The following CELF4 variants were observed in gnomAD, a reference collection of about 807,000 sequenced individuals.
The protein encoded by CELF4 is CUGBP Elav-like family member 4.
A neutral mutation model predicts 59.9 loss-of-function variants in CELF4; 18 were observed. The observed-to-expected ratio is 0.30, with a 90% CI of 0.21 to 0.45. The LOEUF (loss-of-function observed/expected upper bound fraction) is 0.45. CELF4 is among the 20% of genes least tolerant of loss of function. The pLI is 1.00. For synonymous variants in CELF4, 261 were observed against 267.1 expected (o/e 0.98, Z 0.22); for missense variants, 456 against 689.0 (o/e 0.66, Z 3.79).
intron 2 of CELF4, among the ~76,000 whole-genome samples, chr18:37,397,524 C>G (rs997107736): frequency 5.3e-5 from 8 of 152,120 alleles, no homozygotes; most frequent in African/African-American, 1.9e-4. Context: ...GATCCCTAAA[C>G]TGCATGGAGG....
At chr18:37,547,892 T>G (rs1358113870) in intron 1 of CELF4, among the ~76,000 whole-genome samples, 2 of 152,156 alleles carry the variant, frequency 1.3e-5, no homozygotes, top group Non-Finnish European at 2.9e-5. Context: ...TATCTCTATG[T>G]GCACTTCTTT....
At chr18:37,480,754 CA>C (rs1239204155) in intron 2 of CELF4, among the ~76,000 whole-genome samples, 2 of 150,542 alleles carry the variant, frequency 1.3e-5, no homozygotes, top group Non-Finnish European at 2.9e-5. Flanking sequence ...AAAGGAGAGA[CA>C]AGTCTGAAGG....
intron 3 of CELF4, among the ~76,000 whole-genome samples, chr18:37,284,272 C>T (rs1225479535): frequency 6.6e-6 from 1 of 151,342 alleles, no homozygotes; most frequent in Non-Finnish European, 1.5e-5. Context: ...CCTCAACATA[C>T]AGACATAACA....
At chr18:37,415,241 T>TG (rs1490338762) in intron 2 of CELF4, among the ~76,000 whole-genome samples, 1 of 152,196 alleles carries the variant, frequency 6.6e-6, no homozygotes, top group African/African-American at 2.4e-5. Flanking sequence ...CTCTCTGTGG[T>TG]GGCCACATGG....
intron 1 of CELF4, 105 bp downstream of exon 1, chr18:37,565,251 G>A (rs2099987878): frequency 1.5e-6 from 2 of 1,329,022 alleles, no homozygotes; most frequent in Non-Finnish European, 2.0e-6. Context: ...GCCCGCCCGA[G>A]GCTTCCTCTC....
At chr18:37,410,093 T>C (rs1254205506) in intron 2 of CELF4, among the ~76,000 whole-genome samples, 2 of 152,046 alleles carry the variant, frequency 1.3e-5, no homozygotes, top group East Asian at 3.9e-4. Context: ...CCACTCCCCG[T>C]GCCGATGTGT....
rs2099985993 is a variant in CELF4, at chr18:37,559,820, G to A, written c.286+5536C>T. ...AGATGCTACTATTAGTGATGATAATGGCCATGATCAAGTTGCTGGAGTGTG... is the reference window on the plus strand; with the variant it reads ...AGATGCTACTATTAGTGATGATAATAGCCATGATCAAGTTGCTGGAGTGTG... On this transcript the variant is annotated intron_variant, in intron 1 of 12. Coordinates refer to ENST00000420428, the MANE Select transcript of CELF4 (RefSeq NM_020180.4). Among the ~76,000 whole-genome samples, 6 of 152,156 alleles carry A rather than the reference G, an allele frequency of 3.9e-5. No individual in the cohort carries two copies. The South Asian group carries it at 1.2e-3, about 32-fold the overall frequency.
At chr18:37,476,815 C>T (rs1273411425) in intron 2 of CELF4, among the ~76,000 whole-genome samples, 3 of 152,220 alleles carry the variant, frequency 2.0e-5, no homozygotes, top group African/African-American at 7.2e-5. Flanking sequence ...AGGCACAGCC[C>T]TTGTGGCAGC....
At chr18:37,394,541 G>C (rs2099216576) in intron 2 of CELF4, among the ~76,000 whole-genome samples, 1 of 152,206 alleles carries the variant, frequency 6.6e-6, no homozygotes, top group Non-Finnish European at 1.5e-5. Flanking sequence ...GCTGGCCAGA[G>C]CTAAATTGAT....
intron 2 of CELF4, among the ~76,000 whole-genome samples, chr18:37,380,552 A>G (rs2099025033): frequency 6.6e-6 from 1 of 151,754 alleles, no homozygotes; most frequent in Non-Finnish European, 1.5e-5. Context: ...CCATCCATCT[A>G]TCCATTCTTC....
At chr18:37,406,028 A>T (rs2099386818) in intron 2 of CELF4, among the ~76,000 whole-genome samples, 1 of 152,208 alleles carries the variant, frequency 6.6e-6, no homozygotes, top group African/African-American at 2.4e-5. Flanking sequence ...CTCTTTTTTA[A>T]TAAAAAATTG....
intron 1 of CELF4, among the ~76,000 whole-genome samples, chr18:37,552,088 A>G (rs781045447): frequency 2.0e-5 from 3 of 152,238 alleles, no homozygotes; most frequent in Non-Finnish European, 2.9e-5. Flanking sequence ...AATCTGGCTT[A>G]GAGCCAGTGC....
rs1434852346 is a variant in CELF4 at position 37,253,980 on chromosome 18, C to T, written c.1334-42G>A. The T allele has an allele frequency of 8.4e-6, 13 of 1,550,034 alleles. No individual in the cohort carries two copies. The highest frequency in any genetic ancestry group is 4.3e-5 in the African/African-American group (3 of 70,446). On this transcript the variant is annotated intron_variant, in intron 11 of 12. Transcript: ENST00000420428. The surrounding 1 kb of genome is among the most constrained non-coding windows in gnomAD (Gnocchi z 4.5). ...GACGAGGGCCTGGGTTTCCACGGGG[C>T]CGCCCGGGGCGCTGCCGGCGGGGAG...
chr18:37,497,830 C>T (rs2099926933), intron 1 of CELF4, among the ~76,000 whole-genome samples: 1 of 152,084 alleles, frequency 6.6e-6, no homozygotes, highest in African/African-American at 2.4e-5. Context: ...GTTCTAAGGG[C>T]TTTATATGTT....
rs766740978 is a variant in CELF4 at position 37,565,680 on chromosome 18, ACTCT to A, written c.-43_-40del. On this transcript the variant is annotated 5_prime_UTR_variant, in exon 1 of 13. Transcript: ENST00000420428. ...TTTCCTTTTATTCTTTCTCGCTCAC[ACTCT>A]CTCGCTCCTCTCTCTCGCTCGCTCG... 8 of 1,496,500 alleles carry A rather than the reference ACTCT, an allele frequency of 5.3e-6. No individual in the cohort carries two copies. In the African/African-American group the frequency reaches 8.9e-5, roughly 17 times the overall value. 92.7% of individuals were successfully genotyped at this position (1,496,500 alleles called of 1,614,324 possible).
chr18:37,554,152 C>G (rs1444822308), intron 1 of CELF4, among the ~76,000 whole-genome samples: 2 of 152,176 alleles, frequency 1.3e-5, no homozygotes, highest in African/African-American at 4.8e-5. Flanking sequence ...GAGGCTGTGC[C>G]CAGCCTGGGC....
At chr18:37,514,207 C>A (rs1462271491) in intron 1 of CELF4, among the ~76,000 whole-genome samples, 1 of 152,070 alleles carries the variant, frequency 6.6e-6, no homozygotes, top group Non-Finnish European at 1.5e-5. Flanking sequence ...CCCTGGTGTT[C>A]AAGGTAATCT....
chr18:37,477,285 C>T (rs1382634842), intron 2 of CELF4, among the ~76,000 whole-genome samples: 1 of 152,220 alleles, frequency 6.6e-6, no homozygotes, highest in East Asian at 1.9e-4. Context: ...GATTGGAAAG[C>T]TCCCCGAGCG....
At position 37,332,155 on chromosome 18, in the gene CELF4, G is replaced by A. The variant is rs936687330; in HGVS notation, c.370-10274C>T. ...ACCTGTGGGAAGACAGGAGCCTAAA[G>A]CTTGTACATAGGAGGTGCTTGATGA... is the stretch of plus-strand genomic sequence containing the variant. On this transcript the variant is annotated intron_variant, in intron 2 of 12. Transcript: ENST00000420428. 2.0e-5 allele frequency among the ~76,000 whole-genome samples: 3 copies of A among 152,166 alleles called. No individual in the cohort carries two copies. The East Asian group carries it at 5.8e-4, about 29-fold the overall frequency.
Sources: gnomAD v4.1 joint callset for allele counts (sites outside exome capture counted in the v4.1 genomes callset) on GRCh38, gnomAD v4.1.1 for gene constraint, Gnocchi (gnomAD v3.1) non-coding constraint, MANE v1.5 for transcripts, NCBI Gene and HGNC (gene_info 2026-07-23, HGNC 2026-07-21) for gene names.